The following ZNF107 variants were observed in gnomAD, a reference collection of about 807,000 sequenced individuals.
ZNF107 encodes zinc finger protein 107.
In ZNF107, 19 loss-of-function variants were observed where a neutral mutation model predicts 12.3. The observed-to-expected ratio is 1.55, with a 90% CI of 1.08 to 2.27. The LOEUF (loss-of-function observed/expected upper bound fraction) is 2.27. Among genes scored for constraint, ZNF107 ranks in the 30% most tolerant of loss-of-function variants. The pLI is 0.00. For synonymous variants in ZNF107, 317 were observed against 330.5 expected (o/e 0.96, Z 0.44); for missense variants, 958 against 979.9 (o/e 0.98, Z 0.30).
intron 1 of ZNF107, among the ~76,000 whole-genome samples, chr7:64,676,236 G>C (rs1383891500): frequency 6.6e-6 from 1 of 152,182 alleles, no homozygotes; most frequent in Non-Finnish European, 1.5e-5. Context: ...TGTGATCTAA[G>C]TTTGTGGTTG....
Position 64,706,740 on chromosome 7 carries a change from A to G in ZNF107, c.643A>G (p.Thr215Ala), listed in dbSNP as rs1790661402. The G allele has an allele frequency of 9.3e-6, 15 of 1,612,676 alleles. No individual in the cohort carries two copies. The East Asian group carries it at 2.9e-4, about 31-fold the overall frequency. ...TGGAAAAGCCTTTAACTGGTTCTCA[A>G]CTCTTACTAAACATAAGAGAATTCA... ...ECGKAFNWFS[T>A]LTKHKRIHTG... is the part of the protein sequence containing the mutation. The change falls in exon 4 of 4, where the codon ACT (threonine) becomes GCT (alanine). Residue 215 changes from threonine to alanine, a missense_variant. Coordinates refer to ENST00000620827, the MANE Select transcript of ZNF107 (RefSeq NM_001282359.2).
Position 64,708,670 on chromosome 7 carries a change from C to T in ZNF107, c.*14C>T, listed in dbSNP as rs1387066332. ...GGCAAAACTTAATTGATCCTACAAG[C>T]TTACTACACATAGGAAAATTCATAC... On this transcript the variant is annotated 3_prime_UTR_variant, in exon 4 of 4. Coordinates refer to ENST00000620827, the MANE Select transcript of ZNF107 (RefSeq NM_001282359.2). 1 of 1,582,212 alleles carries T rather than the reference C, an allele frequency of 6.3e-7. No individual in the cohort carries two copies. Among genetic ancestry groups the T allele is most frequent in the South Asian group, 1.1e-5 (1 of 87,070 alleles).
In ZNF107 at chr7:64,708,791, C is replaced by A. The variant is rs973391687; in HGVS notation, c.*135C>A. The A allele has an allele frequency of 4.6e-6, 4 of 866,998 alleles. No individual in the cohort carries two copies. The African/African-American group carries it at 6.9e-5, about 15-fold the overall frequency. 53.7% of individuals were successfully genotyped at this position (866,998 alleles called of 1,614,324 possible). ...GAGGTATTTTATACTGGTGAGAAAC[C>A]TTACAATGTAAAGAATGTGGCACAG... On this transcript the variant is annotated 3_prime_UTR_variant, in exon 4 of 4. Transcript: ENST00000620827.
intron 1 of ZNF107, among the ~76,000 whole-genome samples, chr7:64,685,835 A>G (rs531176659): frequency 1.1e-4 from 17 of 152,220 alleles, no homozygotes; most frequent in Middle Eastern, 3.4e-3. Context: ...CCCAAAATTG[A>G]CATTGCCCCT....
chr7:64,680,452 A>G (rs1313041933), intron 1 of ZNF107, among the ~76,000 whole-genome samples: 1 of 152,156 alleles, frequency 6.6e-6, no homozygotes, highest in Non-Finnish European at 1.5e-5. Flanking sequence ...GTCTCCAGGG[A>G]GGTCCCCCGT....
intron 1 of ZNF107, chr7:64,686,736 TTCTTGAGTCAACAAG>T: frequency 1.1e-6 from 1 of 882,220 alleles, no homozygotes; most frequent in Non-Finnish European, 1.4e-6. Flanking sequence ...GTTGATCAAC[TTCTTGAGTCAACAAG>T]TCCCAAAACC....
Position 64,708,859 on chromosome 7 carries a change from C to A in ZNF107, c.*203C>A. On this transcript the variant is annotated 3_prime_UTR_variant, in exon 4 of 4. Coordinates refer to ENST00000620827, the MANE Select transcript of ZNF107 (RefSeq NM_001282359.2). The stretch of plus-strand genomic sequence containing the variant: ...AACCTTACTGAAAGTTGAGAAAATT[C>A]GTACTGGAGAGAATCCTACAAATGT... 4.8e-6 allele frequency: 3 copies of A among 619,634 alleles called. No individual in the cohort carries two copies. The highest frequency in any genetic ancestry group is 8.4e-6 in the Non-Finnish European group (3 of 358,692). The allele number at this position is 619,634 out of a possible 1,614,324, so 38.4% of individuals were successfully genotyped here. A position where few individuals can be genotyped will look rare whatever the true frequency, so the allele number is the denominator to read the frequency against.
Position 64,708,115 on chromosome 7 carries a change from G to T in ZNF107, c.2018G>T (p.Gly673Val), listed in dbSNP as rs117361085. ...ACTAACCATAAGATAATTTATACTGGAGAGAAACCCCACAAATGTGAAGAA... is the reference window on the plus strand; with the variant it reads ...ACTAACCATAAGATAATTTATACTGTAGAGAAACCCCACAAATGTGAAGAA... ...NITNHKIIYT[G>V]EKPHKCEECG... Residue 673 changes from glycine (G) to valine (V), a missense_variant, in exon 4 of 4, where the codon GGA becomes GTA. Physicochemically the swap from Gly to Val is moderately radical, Grantham distance 109 (BLOSUM62 -3). Transcript: ENST00000620827. 9,301 of 1,612,706 alleles carry T rather than the reference G, an allele frequency of 5.8e-3. 36 individuals carry two copies. The highest frequency in any genetic ancestry group is 7.0e-3 in the Non-Finnish European group (8,248 of 1,179,604).
chr7:64,704,287 C>A (rs1238161066), intron 3 of ZNF107, among the ~76,000 whole-genome samples: 1 of 152,090 alleles, frequency 6.6e-6, no homozygotes, highest in Non-Finnish European at 1.5e-5. Context: ...CACTCTGTCG[C>A]CAGGCTAGAG....
At chr7:64,706,229 G>T (rs1239423574) in intron 3 of ZNF107, 95 bp from the exon 4 acceptor site, 3 of 1,201,378 alleles carry the variant, frequency 2.5e-6, no homozygotes, top group South Asian at 1.9e-5. Context: ...ATGCAATCTG[G>T]CTTATGTAGT....
At position 64,691,929 on chromosome 7, in the gene ZNF107, A is replaced by G. The variant is rs576605865; in HGVS notation, c.195A>G (p.Ile65Met). Residue 65 changes from isoleucine (I) to methionine (M), a missense_variant, in exon 3 of 4, where the codon ATA (isoleucine) becomes ATG (methionine). Coordinates refer to ENST00000620827, the MANE Select transcript of ZNF107 (RefSeq NM_001282359.2). ...CLEQKKEPWN[I>M]KRHEMVAKPP... ...AGCAAAAAAAAGAGCCCTGGAATAT[A>G]AAAAGACATGAGATGGTAGCCAAAC... 9.1e-6 allele frequency: 14 copies of G among 1,530,734 alleles called. No homozygotes were observed. In the East Asian group the frequency reaches 3.3e-4, roughly 36 times the overall value. The allele number at this position is 1,530,734 out of a possible 1,614,324, so 94.8% of individuals were successfully genotyped here. A position where few individuals can be genotyped will look rare whatever the true frequency, so the allele number is the denominator to read the frequency against.
rs185284858 is a variant in ZNF107, at chr7:64,675,491, T to C, written c.3+9206T>C. Among the ~76,000 whole-genome samples the C allele has an allele frequency of 2.6e-5, 4 of 152,270 alleles. No homozygotes were observed. The East Asian group carries it at 5.8e-4, about 22-fold the overall frequency. The stretch of plus-strand genomic sequence containing the variant: ...ATTGTGTTTATTTGGATCTTGTCTT[T>C]GTCATGAATCTAACTAGTGGTTTAT... On this transcript the variant is annotated intron_variant, in intron 1 of 3. Transcript: ENST00000620827.
chr7:64,692,397 C>G (rs1349932597), intron 3 of ZNF107, among the ~76,000 whole-genome samples: 1 of 152,066 alleles, frequency 6.6e-6, no homozygotes, highest in Non-Finnish European at 1.5e-5. Context: ...TTCTGCCATT[C>G]CATTCTGTTG....
chr7:64,667,688 A>G (rs551326816), intron 1 of ZNF107, among the ~76,000 whole-genome samples: 26 of 152,324 alleles, frequency 1.7e-4, no homozygotes, highest in African/African-American at 5.8e-4. Flanking sequence ...TGGGAGACAG[A>G]GGACAATCTG....
chr7:64,677,007 A>G (rs1414769202), intron 1 of ZNF107, among the ~76,000 whole-genome samples: 1 of 152,214 alleles, frequency 6.6e-6, no homozygotes, highest in Non-Finnish European at 1.5e-5. Context: ...TGAAAATTGT[A>G]TACTTACCAA....
chr7:64,690,887 A>T (rs1000795059), intron 1 of ZNF107, among the ~76,000 whole-genome samples: 1 of 152,130 alleles, frequency 6.6e-6, no homozygotes, highest in African/African-American at 2.4e-5. Flanking sequence ...GATTACAGAC[A>T]TGTGCCACTG....
chr7:64,706,021 A>T (rs1790628689), intron 3 of ZNF107, among the ~76,000 whole-genome samples: 1 of 151,242 alleles, frequency 6.6e-6, no homozygotes, highest in Non-Finnish European at 1.5e-5. Context: ...ACTATGTTAT[A>T]TTGGGGAACA....
chr7:64,684,745 A>G (rs758347902), intron 1 of ZNF107: 1 of 982,508 alleles, frequency 1.0e-6, no homozygotes. Flanking sequence ...CTTTTAGGGC[A>G]CTCTGTATAA....
chr7:64,707,810 A>C lies in ZNF107; in HGVS notation c.1713A>C (p.Gly571=). 6.2e-7 allele frequency: 1 copy of C among 1,611,724 alleles called. No homozygotes were observed. The highest frequency in any genetic ancestry group is 1.3e-5 in the African/African-American group (1 of 74,800). Residue 571 remains glycine, a synonymous_variant, in exon 4 of 4, where the codon GGA becomes GGC. Transcript: ENST00000620827. ...AACCCTATAAATGTGAAGAATGTGGAAAAGCCTTTAATCAATCCTATCAAC... is the reference window on the plus strand; with the variant it reads ...AACCCTATAAATGTGAAGAATGTGGCAAAGCCTTTAATCAATCCTATCAAC... ...GEKPYKCEEC[G]KAFNQSYQLT...
Sources: allele counts gnomAD v4.1 joint callset (sites outside exome capture counted in the v4.1 genomes callset), GRCh38; gene constraint gnomAD v4.1.1; transcripts MANE v1.5; gene names NCBI Gene and HGNC (gene_info 2026-07-23, HGNC 2026-07-21).